Variants in TENT4B observed in about 807,000 individuals in gnomAD.
The protein encoded by TENT4B is PAP associated domain containing 5.
TENT4B carries 10 observed loss-of-function variants against 75.0 expected under a neutral mutation model. That is an observed-to-expected ratio of 0.13 (90% CI 0.08 to 0.23). TENT4B has a LOEUF of 0.23. Ranked by LOEUF, TENT4B falls within the 10% of genes least tolerant of loss-of-function variation. The pLI, the probability that TENT4B is intolerant of heterozygous loss-of-function variation, is 1.00. For missense variants in TENT4B, 579 were observed against 893.8 expected (o/e 0.65, Z 4.49); for synonymous variants, 350 against 357.7 (o/e 0.98, Z 0.24).
In TENT4B at chr16:50,227,988, C is replaced by T. The variant is rs56359951; in HGVS notation, c.1950C>T (p.Ser650=). Reference sequence around the variant, plus strand: ...CCCAAACCACTAACACATCCAACAGCACCAACAAATCTCAGGTGTGTGGAA... The same window carrying T: ...CCCAAACCACTAACACATCCAACAGTACCAACAAATCTCAGGTGTGTGGAA... ...QSTQTTNTSN[S]TNKSQHGSAR... is the part of the protein sequence containing the mutation. Residue 650 remains serine (S), a synonymous_variant, in exon 11 of 12, where the codon AGC becomes AGT. Transcript: ENST00000561678. The T allele has an allele frequency of 5.0e-4, 812 of 1,613,894 alleles. 2 individuals are homozygous for T. In the African/African-American group the frequency reaches 9.1e-3, roughly 18 times the overall value.
At chr16:50,200,740 T>A (rs1344374019) in intron 1 of TENT4B, among the ~76,000 whole-genome samples, 1 of 152,142 alleles carries the variant, frequency 6.6e-6, no homozygotes, top group East Asian at 1.9e-4. Flanking sequence ...TTGTTGAATA[T>A]CATGAGTTCT....
At chr16:50,174,528 A>G (rs886323000) in intron 1 of TENT4B, among the ~76,000 whole-genome samples, 6 of 152,218 alleles carry the variant, frequency 3.9e-5, no homozygotes, top group Non-Finnish European at 5.9e-5. Context: ...AATGTGGATC[A>G]AATCAAGGTA....
rs2032268054 is a variant in TENT4B at position 50,230,786 on chromosome 16, G to A, written c.*1458G>A. On this transcript the variant is annotated 3_prime_UTR_variant, in exon 12 of 12. Coordinates refer to ENST00000561678, the MANE Select transcript of TENT4B (RefSeq NM_001365324.3). ...TACCTGTTGAGTTTGAAACTCAGTT[G>A]GGAATATTTAATATAATAGAATGTA... The A allele has an allele frequency of 1.0e-6, 1 of 985,550 alleles. No individual in the cohort carries two copies. The highest frequency in any genetic ancestry group is 1.2e-6 in the Non-Finnish European group (1 of 829,856). The allele number at this position is 985,550 out of a possible 1,614,324, so 61.1% of individuals were successfully genotyped here.
At chr16:50,208,257 G>C (rs768925564) in intron 1 of TENT4B, among the ~76,000 whole-genome samples, 9 of 152,162 alleles carry the variant, frequency 5.9e-5, no homozygotes, top group Non-Finnish European at 1.3e-4. Context: ...ATAGGAAGGT[G>C]GTGCCATGGG....
intron 10 of TENT4B, among the ~76,000 whole-genome samples, chr16:50,227,036 T>C (rs2032088233): frequency 6.6e-6 from 1 of 152,260 alleles, no homozygotes; most frequent in Non-Finnish European, 1.5e-5. Context: ...TGTAGTGTAC[T>C]GATTTGAGAT....
intron 1 of TENT4B, 70 bp from the exon 2 acceptor site, chr16:50,211,253 G>A (rs1028832017): frequency 1.5e-5 from 22 of 1,422,294 alleles, no homozygotes; most frequent in Non-Finnish European, 2.0e-5. Flanking sequence ...AATTAGATAA[G>A]ATTATTTAAG....
chr16:50,153,947 CCAA>C lies in TENT4B; in HGVS notation c.340_342del (p.Asn114del), dbSNP rs755709682. On this transcript the variant is annotated inframe_deletion, in exon 1 of 12. Coordinates refer to ENST00000561678, the MANE Select transcript of TENT4B (RefSeq NM_001365324.3). ...CGGGACTTCCTGCCCCTAGAGACGACCAACAACAACAACAACCACCACCAGCCC... is the reference window on the plus strand; with the variant it reads ...CGGGACTTCCTGCCCCTAGAGACGACCAACAACAACAACCACCACCAGCCC... The C allele has an allele frequency of 1.6e-4, 246 of 1,532,970 alleles. No homozygotes were observed. Among genetic ancestry groups the C allele is most frequent in the South Asian group, 2.1e-4 (18 of 83,774 alleles). 95.0% of individuals were successfully genotyped at this position (1,532,970 alleles called of 1,614,324 possible). A position where few individuals can be genotyped will look rare whatever the true frequency, so the allele number is the denominator to read the frequency against.
chr16:50,170,902 G>A (rs964794336), intron 1 of TENT4B, among the ~76,000 whole-genome samples: 4 of 151,972 alleles, frequency 2.6e-5, no homozygotes, highest in Non-Finnish European at 5.9e-5. Context: ...CCTGACCTCA[G>A]GTGATCCACC....
chr16:50,231,114 T>C lies in TENT4B; in HGVS notation c.*1786T>C. On this transcript the variant is annotated 3_prime_UTR_variant, in exon 12 of 12. Transcript: ENST00000561678. Reference sequence around the variant, plus strand: ...AATATGTTCATATTTTAATTCACAATGGAAAAATGTGTTCCAAAACTGGAA... The same window carrying C: ...AATATGTTCATATTTTAATTCACAACGGAAAAATGTGTTCCAAAACTGGAA... 2.0e-6 allele frequency: 2 copies of C among 985,308 alleles called. No homozygotes were observed. The highest frequency in any genetic ancestry group is 2.4e-6 in the Non-Finnish European group (2 of 829,416). The allele number at this position is 985,308 out of a possible 1,614,324, so 61.0% of individuals were successfully genotyped here.
intron 1 of TENT4B, among the ~76,000 whole-genome samples, chr16:50,185,208 A>G (rs2038502863): frequency 6.6e-6 from 1 of 152,194 alleles, no homozygotes; most frequent in Non-Finnish European, 1.5e-5. Flanking sequence ...GCAGTAAGTA[A>G]ATTATCAACC....
At chr16:50,192,670 C>T (rs1203551892) in intron 1 of TENT4B, among the ~76,000 whole-genome samples, 1 of 152,160 alleles carries the variant, frequency 6.6e-6, no homozygotes, top group South Asian at 2.1e-4. Context: ...AAGCCATTGA[C>T]AATATATAGA....
chr16:50,216,404 C>A (rs575202663), intron 4 of TENT4B, among the ~76,000 whole-genome samples: 1 of 152,214 alleles, frequency 6.6e-6, no homozygotes, highest in African/African-American at 2.4e-5. Flanking sequence ...TGTGCCTCCT[C>A]GGCTCAAGTG....
At chr16:50,178,525 T>TA (rs994151251) in intron 1 of TENT4B, among the ~76,000 whole-genome samples, 13 of 149,654 alleles carry the variant, frequency 8.7e-5, no homozygotes, top group East Asian at 1.9e-4. Flanking sequence ...TACTGATGGT[T>TA]AAAAAAAAAA....
Position 50,153,989 on chromosome 16 carries a change from G to A in TENT4B, c.368G>A (p.Arg123His). 1 of 1,533,940 alleles carries A rather than the reference G, an allele frequency of 6.5e-7. No individual in the cohort carries two copies. The highest frequency in any genetic ancestry group is 1.4e-5 in the African/African-American group (1 of 72,978). Residue 123 changes from arginine to histidine, a missense_variant, in exon 1 of 12, where the codon CGC (arginine) becomes CAC (histidine). Transcript: ENST00000561678. ...CACCACCAGCCCGGGGCCTGGGCCC[G>A]CCGGGCGGGCTCCTCGGCGTCCTCG... Reference protein sequence around the residue: ...NNHHQPGAWARRAGSSASSPP... With the variant: ...NNHHQPGAWAHRAGSSASSPP...
chr16:50,157,145 G>C (rs1387757689), intron 1 of TENT4B, among the ~76,000 whole-genome samples: 1 of 152,170 alleles, frequency 6.6e-6, no homozygotes, highest in African/African-American at 2.4e-5. Flanking sequence ...CATTGTGGTG[G>C]TTCTTGGCCT....
At chr16:50,225,518 A>C (rs1567514628) in intron 10 of TENT4B, among the ~76,000 whole-genome samples, 1 of 152,224 alleles carries the variant, frequency 6.6e-6, no homozygotes, top group African/African-American at 2.4e-5. Flanking sequence ...AGATTCTGCT[A>C]TTAACCTTTT....
Position 50,234,738 on chromosome 16 carries a change from T to C in TENT4B, c.*5410T>C. ...AGTCTTTACTACTAAAAAGCAGCAC[T>C]GCCTTAACACACATTGTTATGGGTG... On this transcript the variant is annotated 3_prime_UTR_variant, in exon 12 of 12. Coordinates refer to ENST00000561678, the MANE Select transcript of TENT4B (RefSeq NM_001365324.3). 1.0e-6 allele frequency: 1 copy of C among 985,458 alleles called. No individual in the cohort carries two copies. The highest frequency in any genetic ancestry group is 1.2e-6 in the Non-Finnish European group (1 of 829,926). The allele number at this position is 985,458 out of a possible 1,614,324, so 61.0% of individuals were successfully genotyped here. A position where few individuals can be genotyped will look rare whatever the true frequency, so the allele number is the denominator to read the frequency against.
In TENT4B at chr16:50,233,011, T is replaced by C; in HGVS notation, c.*3683T>C. On this transcript the variant is annotated 3_prime_UTR_variant, in exon 12 of 12. Transcript: ENST00000561678. ...GAAGAATTTATTCTTACCCATCTAT[T>C]CTTGTTCTCCTAGTTCATTAAACTT... The C allele has an allele frequency of 1.0e-6, 1 of 984,680 alleles. No homozygotes were observed. The highest frequency in any genetic ancestry group is 6.1e-5 in the Admixed American group (1 of 16,292). 61.0% of individuals were successfully genotyped at this position (984,680 alleles called of 1,614,324 possible).
rs746878601 is a variant in TENT4B, at chr16:50,229,376, C to T, written c.*48C>T. On this transcript the variant is annotated 3_prime_UTR_variant, in exon 12 of 12. Transcript: ENST00000561678. ...CTTCTCTGTGCAATGATCTCATGCT[C>T]AGGACAGTTGCGCAGGGACTCCTGG... is the stretch of plus-strand genomic sequence containing the variant. 19 of 1,563,326 alleles carry T rather than the reference C, an allele frequency of 1.2e-5. No homozygotes were observed. The Admixed American group carries it at 1.8e-4, about 15-fold the overall frequency.
Sources: gnomAD v4.1 joint callset for allele counts (sites outside exome capture counted in the v4.1 genomes callset) on GRCh38, gnomAD v4.1.1 for gene constraint, MANE v1.5 for transcripts, NCBI Gene and HGNC (gene_info 2026-07-23, HGNC 2026-07-21) for gene names.